CPLANE1: variants seen among roughly 807,000 people sequenced by gnomAD.
The protein encoded by CPLANE1 is ciliogenesis and planar polarity effector 1.
In CPLANE1, 263 loss-of-function variants were observed where a neutral mutation model predicts 362.5. That is an observed-to-expected ratio of 0.73 (90% CI 0.66 to 0.80). The LOEUF is 0.80. CPLANE1 is among the 30% of genes least tolerant of loss of function. The pLI is 0.00. For missense variants in CPLANE1, 3,461 were observed against 3,793.4 expected (o/e 0.91, Z 2.30); for synonymous variants, 1,212 against 1,302.6 (o/e 0.93, Z 1.50).
chr5:37,078,559 T>C, the CPLANE1 span, among the ~76,000 whole-genome samples: 3 of 152,220 alleles, frequency 2.0e-5, no homozygotes, highest in Non-Finnish European at 4.4e-5. Flanking sequence ...CCTTTGGATA[T>C]ATACCCAGCA....
intron 15 of CPLANE1, among the ~76,000 whole-genome samples, chr5:37,218,720 A>G (rs1794702193): frequency 6.6e-6 from 1 of 150,876 alleles, no homozygotes; most frequent in Admixed American, 6.6e-5. Context: ...GGCTGAGGTG[A>G]GTGGATCACC....
rs991518920 is a variant in CPLANE1 at position 37,139,368 on chromosome 5, T to C, written c.8635A>G (p.Met2879Val). ...SSDQNTTSPG[M>V]NSSDELCESV... is the part of the protein sequence containing the mutation. ...TCACACAATTCATCACTGCTATTCA[T>C]ACCTAAAAAAAAAATCATTATTAAT... Residue 2879 changes from methionine (M) to valine (V), a missense_variant and splice_region_variant, in exon 45 of 53, where the codon ATG (methionine) becomes GTG (valine). Physicochemically the swap from Met to Val is conservative, Grantham distance 21 (BLOSUM62 1). Around this residue, in one of 2 missense-constraint regions of CPLANE1, gnomAD observed 3,380 missense variants for 3,666.1 expected, o/e 0.92. Transcript: ENST00000651892. 3 of 1,195,382 alleles carry C rather than the reference T, an allele frequency of 2.5e-6. No homozygotes were observed. Among genetic ancestry groups the C allele is most frequent in the African/African-American group, 1.7e-5 (1 of 60,342 alleles). The allele number at this position is 1,195,382 out of a possible 1,614,324, so 74.0% of individuals were successfully genotyped here.
At chr5:37,242,959 C>T (rs189788211) in intron 6 of CPLANE1, 54 bp downstream of exon 6, 2 of 1,286,628 alleles carry the variant, frequency 1.6e-6, no homozygotes, top group African/African-American at 3.0e-5. Flanking sequence ...AAGACCCTGC[C>T]TCCAAAAGAA....
At chr5:37,093,170 A>T in the CPLANE1 span, among the ~76,000 whole-genome samples, 2 of 152,210 alleles carry the variant, frequency 1.3e-5, no homozygotes, top group Non-Finnish European at 2.9e-5. Context: ...TTGCTGTGGC[A>T]TCTATTACTG....
chr5:37,225,441 T>C (rs888090097), intron 12 of CPLANE1, among the ~76,000 whole-genome samples: 1 of 151,794 alleles, frequency 6.6e-6, no homozygotes, highest in African/African-American at 2.4e-5. Context: ...AGTTTCATCG[T>C]GTTGCCCAAG....
the CPLANE1 span, among the ~76,000 whole-genome samples, chr5:37,079,498 TCA>T: frequency 6.6e-6 from 1 of 152,206 alleles, no homozygotes; most frequent in East Asian, 1.9e-4. Context: ...AAGTTTCCCT[TCA>T]GGTAGGCAAC....
the CPLANE1 span, among the ~76,000 whole-genome samples, chr5:37,091,381 A>C: frequency 6.6e-6 from 1 of 152,214 alleles, no homozygotes; most frequent in Non-Finnish European, 1.5e-5. Flanking sequence ...ATTAAAACTG[A>C]AAATGGTCCA....
rs1303522230 is a variant in CPLANE1 at position 37,226,603 on chromosome 5, G to C, written c.1992C>G (p.Thr664=). ...TCAGCAAAAGTTTTACAGTATTTGA[G>C]GTCAGCTTTATCAAATGCCCCACAT... ...KQDVGHLIKL[T]SNTVKLLLTQ... The change falls in exon 12 of 53, where the codon ACC becomes ACG. Residue 664 remains threonine (T), a synonymous_variant. Coordinates refer to ENST00000651892, the MANE Select transcript of CPLANE1 (RefSeq NM_001384732.1). 1 of 1,551,370 alleles carries C rather than the reference G, an allele frequency of 6.4e-7. No individual in the cohort carries two copies. The highest frequency in any genetic ancestry group is 2.4e-5 in the East Asian group (1 of 40,866).
chr5:37,159,094 CTTTTTTTTTTTTTTTTT>C (rs34035923), intron 38 of CPLANE1, among the ~76,000 whole-genome samples: 1 of 59,760 alleles, frequency 1.7e-5, no homozygotes, highest in East Asian at 5.7e-4. Flanking sequence ...AATTCACATT[CTTTTTTTTTTTTTTTTT>C]TTTTTTTTTT....
chr5:37,247,448 G>A (rs1740094603), intron 2 of CPLANE1, among the ~76,000 whole-genome samples, 170 bp downstream of exon 2: 2 of 152,008 alleles, frequency 1.3e-5, no homozygotes, highest in South Asian at 2.1e-4. Context: ...TAATAAAAAC[G>A]AAACACACAC....
At chr5:37,081,631 C>A in the CPLANE1 span, among the ~76,000 whole-genome samples, 9 of 151,710 alleles carry the variant, frequency 5.9e-5, no homozygotes, top group East Asian at 7.8e-4. Flanking sequence ...CCTGAAAATG[C>A]GGTTTTAAGG....
the CPLANE1 span, among the ~76,000 whole-genome samples, chr5:37,098,960 T>C: frequency 2.0e-5 from 2 of 99,536 alleles, no homozygotes; most frequent in African/African-American, 8.1e-5. Flanking sequence ...AGACTTCAAA[T>C]AAACAACCTA....
chr5:37,099,340 G>A, the CPLANE1 span, among the ~76,000 whole-genome samples: 1 of 152,154 alleles, frequency 6.6e-6, no homozygotes, highest in Non-Finnish European at 1.5e-5. Context: ...CCGCCGCAAT[G>A]TGTCCATGTG....
intron 23 of CPLANE1, among the ~76,000 whole-genome samples, chr5:37,187,072 A>AAAACAAAAC (rs1561539128): frequency 6.8e-6 from 1 of 147,666 alleles, no homozygotes; most frequent in African/African-American, 2.5e-5. Flanking sequence ...AAAAAAAAAA[A>AAAACAAAAC]AAAAAAAAAA....
At chr5:37,139,492 T>C (rs1242874444) in intron 44 of CPLANE1, 122 bp from the exon 45 acceptor site, 4 of 1,070,800 alleles carry the variant, frequency 3.7e-6, no homozygotes, top group Non-Finnish European at 4.9e-6. Context: ...CCAAATTGGT[T>C]TATAGATATA....
chr5:37,209,785 T>G lies in CPLANE1; in HGVS notation c.2921-3360A>C. ...AAAGAAAACCAAAAAGGTTTTCTTATGCATTTTTTAAAAGGATTGGCAGAA... is the reference window on the plus strand; with the variant it reads ...AAAGAAAACCAAAAAGGTTTTCTTAGGCATTTTTTAAAAGGATTGGCAGAA... On this transcript the variant is annotated intron_variant, in intron 16 of 52. Transcript: ENST00000651892. This position sits in a 1 kb window ranked among gnomAD's most constrained non-coding sequence, Gnocchi z 4.6. 3.8e-6 allele frequency: 5 copies of G among 1,306,756 alleles called. No homozygotes were observed. Among genetic ancestry groups the G allele is most frequent in the Non-Finnish European group, 5.5e-6 (5 of 902,344 alleles). The allele number at this position is 1,306,756 out of a possible 1,614,324, so 80.9% of individuals were successfully genotyped here. A position where few individuals can be genotyped will look rare whatever the true frequency, so the allele number is the denominator to read the frequency against.
chr5:37,129,997 T>C (rs956330696), intron 46 of CPLANE1, among the ~76,000 whole-genome samples: 3 of 152,130 alleles, frequency 2.0e-5, no homozygotes, highest in Non-Finnish European at 4.4e-5. Context: ...CCAGCCCAAA[T>C]GCCCATCAAG....
chr5:37,078,407 T>C, the CPLANE1 span, among the ~76,000 whole-genome samples: 3 of 152,184 alleles, frequency 2.0e-5, no homozygotes, highest in African/African-American at 7.2e-5. Flanking sequence ...TAGTATTTCA[T>C]GGTGTGTATA....
the CPLANE1 span, chr5:37,085,256 G>A: frequency 1.2e-6 from 1 of 853,580 alleles, no homozygotes; most frequent in Non-Finnish European, 2.0e-6. Context: ...GCATGCAGGG[G>A]TTCATTAAGG....
Sources: gnomAD v4.1 joint callset for allele counts (sites outside exome capture counted in the v4.1 genomes callset) on GRCh38, gnomAD v4.1.1 for gene constraint, gnomAD v4.1.1 regional missense constraint, Gnocchi (gnomAD v3.1) non-coding constraint, MANE v1.5 for transcripts, NCBI Gene and HGNC (gene_info 2026-07-23, HGNC 2026-07-21) for gene names.